COL24A1: variants seen among roughly 807,000 people sequenced by gnomAD.
COL24A1 encodes the protein collagen type XXIV alpha 1 chain, also known as collagen alpha-1(XXIV) chain.
Under a neutral mutation model 253.9 loss-of-function variants are expected in COL24A1, and 224 were observed. The observed-to-expected ratio is 0.88, with a 90% confidence interval of 0.79 to 0.99. The LOEUF (loss-of-function observed/expected upper bound fraction) is 0.99. Ranked by LOEUF, COL24A1 falls within the 50% of genes least tolerant of loss-of-function variation. The pLI, the probability that COL24A1 is intolerant of heterozygous loss-of-function variation, is 0.00. For missense variants in COL24A1, 2,131 were observed against 2,068.5 expected, an observed-to-expected ratio of 1.03 and a Z score of -0.59; for synonymous variants, 685 against 673.7, an observed-to-expected ratio of 1.02 and a Z score of -0.26.
intron 28 of COL24A1, among the ~76,000 whole-genome samples, chr1:85,903,601 A>T (rs1015622114): frequency 6.6e-6 from 1 of 152,204 alleles, no homozygotes; most frequent in Non-Finnish European, 1.5e-5. Context: ...TTACATTCTT[A>T]GGAAAATTAA....
rs1185910916 is a variant in COL24A1, at chr1:85,786,395, A to C, written c.4018T>G (p.Ser1340Ala). Residue 1340 changes from serine (S) to alanine (A), a missense_variant, in exon 48 of 60, where the codon TCA becomes GCA. Coordinates refer to ENST00000370571, the MANE Select transcript of COL24A1 (RefSeq NM_152890.7). ...CCTGGGCTTCCTGGCAAGCCTGATG[A>C]ACCCTTTACTCCTGGAGGACCTGGA... is the stretch of plus-strand genomic sequence containing the variant. Reference protein sequence around the residue: ...GAPGPPGVKGSSGLPGSPGIQ... With the variant: ...GAPGPPGVKGASGLPGSPGIQ... The C allele has an allele frequency of 6.2e-7, 1 of 1,613,872 alleles. No individual in the cohort carries two copies. Among genetic ancestry groups the C allele is most frequent in the Admixed American group, 1.7e-5 (1 of 60,000 alleles).
At chr1:86,114,920 T>C (rs930980169) in intron 4 of COL24A1, among the ~76,000 whole-genome samples, 1 of 152,192 alleles carries the variant, frequency 6.6e-6, no homozygotes, top group Non-Finnish European at 1.5e-5. Flanking sequence ...GCAGTTATTT[T>C]CTAGTCAATA....
chr1:86,006,252 C>A (rs1289575215), intron 19 of COL24A1, among the ~76,000 whole-genome samples: 1 of 152,064 alleles, frequency 6.6e-6, no homozygotes, highest in East Asian at 1.9e-4. Flanking sequence ...TACTGGACCT[C>A]AAGACTTACT....
intron 31 of COL24A1, among the ~76,000 whole-genome samples, chr1:85,891,159 T>A: frequency 6.6e-6 from 1 of 151,524 alleles, no homozygotes; most frequent in Non-Finnish European, 1.5e-5. Context: ...CACGCCGTTC[T>A]CCTGCCTCGG....
intron 24 of COL24A1, among the ~76,000 whole-genome samples, chr1:85,918,660 C>T (rs1686151595): frequency 6.6e-6 from 1 of 152,022 alleles, no homozygotes; most frequent in African/African-American, 2.4e-5. Flanking sequence ...ATGAATTAGA[C>T]AAAGGTATTT....
intron 7 of COL24A1, among the ~76,000 whole-genome samples, chr1:86,088,417 A>T (rs994414824): frequency 1.3e-5 from 2 of 152,188 alleles, no homozygotes; most frequent in East Asian, 3.8e-4. Context: ...TTAAGAAGAA[A>T]TTTTTTATTT....
intron 47 of COL24A1, among the ~76,000 whole-genome samples, chr1:85,800,495 T>C (rs1671315704): frequency 1.3e-5 from 2 of 152,196 alleles, no homozygotes; most frequent in Admixed American, 1.3e-4. Context: ...AAACTAATAC[T>C]GGATAATAAA....
intron 4 of COL24A1, among the ~76,000 whole-genome samples, chr1:86,115,117 C>G (rs6666638): frequency 0.54 from 82,128 of 152,052 alleles, 22,706 homozygotes; most frequent in Non-Finnish European, 0.62. Flanking sequence ...TGGACACGTT[C>G]ACAGAGAATG....
intron 2 of COL24A1, among the ~76,000 whole-genome samples, chr1:86,131,894 A>G (rs187008288): frequency 6.6e-6 from 1 of 152,138 alleles, no homozygotes; most frequent in Non-Finnish European, 1.5e-5. Flanking sequence ...GGATGGCTGG[A>G]TCAAATGGCA....
chr1:86,146,117 A>T lies in COL24A1; in HGVS notation c.121+2T>A, dbSNP rs777556997. 1 of 1,608,234 alleles carries T rather than the reference A, an allele frequency of 6.2e-7. No homozygotes were observed. ...AAATAAATTAAAAGGTAATTTTCTT[A>T]CCTTGTTCTTGTGCATGAACAACCA... On this transcript the variant is annotated splice_donor_variant, in intron 2 of 59. Coordinates refer to ENST00000370571, the MANE Select transcript of COL24A1 (RefSeq NM_152890.7). LOFTEE classifies it high-confidence loss of function.
Position 85,823,679 on chromosome 1 carries a change from A to C in COL24A1, c.3735+6T>G, listed in dbSNP as rs749186037. 3 of 1,613,818 alleles carry C rather than the reference A, an allele frequency of 1.9e-6. No homozygotes were observed. The South Asian group carries it at 3.3e-5, about 18-fold the overall frequency. On this transcript the variant is annotated splice_donor_region_variant and intron_variant, in intron 44 of 59. Coordinates refer to ENST00000370571, the MANE Select transcript of COL24A1 (RefSeq NM_152890.7). ...AATTTTTAGAAATAATGCTTTCAAA[A>C]CATACTGGGGGTCCTTGTTGTCCAG...
intron 55 of COL24A1, among the ~76,000 whole-genome samples, chr1:85,748,330 G>A (rs1025824504): frequency 6.6e-6 from 1 of 152,174 alleles, no homozygotes; most frequent in Admixed American, 6.5e-5. Flanking sequence ...TGCTTTTGAA[G>A]CAATCACTAC....
At chr1:85,835,814 A>G (rs1675937403) in intron 43 of COL24A1, among the ~76,000 whole-genome samples, 1 of 152,206 alleles carries the variant, frequency 6.6e-6, no homozygotes, top group Non-Finnish European at 1.5e-5. Context: ...GGAACTAGAC[A>G]ATGGTGATGG....
At chr1:85,822,614 C>T (rs966487566) in intron 45 of COL24A1, among the ~76,000 whole-genome samples, 1 of 152,158 alleles carries the variant, frequency 6.6e-6, no homozygotes, top group Admixed American at 6.5e-5. Flanking sequence ...CAATTATGAG[C>T]CTGTGTTACA....
At chr1:85,743,488 C>T (rs1399534695) in intron 57 of COL24A1, among the ~76,000 whole-genome samples, 1 of 152,124 alleles carries the variant, frequency 6.6e-6, no homozygotes, top group East Asian at 1.9e-4. Context: ...ATCAAATCTC[C>T]CTACCCTGCT....
At chr1:86,132,271 T>C (rs1433430500) in intron 2 of COL24A1, among the ~76,000 whole-genome samples, 2 of 152,346 alleles carry the variant, frequency 1.3e-5, no homozygotes, top group South Asian at 2.1e-4. Flanking sequence ...ATTAGCCCTT[T>C]GTCAGATGAG....
chr1:85,839,305 ATGAT>A (rs1250095341), intron 42 of COL24A1, among the ~76,000 whole-genome samples: 1 of 152,220 alleles, frequency 6.6e-6, no homozygotes, highest in African/African-American at 2.4e-5. Context: ...AAATATTAAA[ATGAT>A]TGAAAAAGAT....
At chr1:85,869,280 T>G (rs1297187703) in intron 35 of COL24A1, among the ~76,000 whole-genome samples, 1 of 152,156 alleles carries the variant, frequency 6.6e-6, no homozygotes, top group Non-Finnish European at 1.5e-5. Flanking sequence ...TTTCCATATT[T>G]TCTCCCTTTA....
At chr1:85,737,589 G>T in intron 57 of COL24A1, 84 bp from the exon 58 acceptor site, 1 of 931,546 alleles carries the variant, frequency 1.1e-6, no homozygotes, top group Non-Finnish European at 1.6e-6. Context: ...GAGAGAGAGA[G>T]TCTCATTCTG....
Sources: gnomAD v4.1 joint callset for allele counts (sites outside exome capture counted in the v4.1 genomes callset) on GRCh38, gnomAD v4.1.1 for gene constraint, MANE v1.5 for transcripts, NCBI Gene and HGNC (gene_info 2026-07-23, HGNC 2026-07-21) for gene names.